SLC25A48: variants seen among roughly 807,000 people sequenced by gnomAD.
The protein encoded by SLC25A48 is solute carrier family 25 member 48.
Under a neutral mutation model 32.2 loss-of-function variants are expected in SLC25A48, and 29 were observed. That is an observed-to-expected ratio of 0.90 (90% CI 0.67 to 1.23). The LOEUF (loss-of-function observed/expected upper bound fraction) is 1.23, where lower values mean the gene tolerates loss of function less well. Among genes scored for constraint, SLC25A48 ranks in the 50% most tolerant of loss-of-function variants. The probability of loss-of-function intolerance (pLI) is 0.00; values close to 1 mark genes in which losing one functional copy is unlikely to be tolerated. For missense variants in SLC25A48, 399 were observed against 422.7 expected (o/e 0.94, Z 0.49); for synonymous variants, 164 against 172.3 (o/e 0.95, Z 0.38).
chr5:135,642,711 A>G (rs886769357), intron 3 of SLC25A48, among the ~76,000 whole-genome samples: 1 of 152,238 alleles, frequency 6.6e-6, no homozygotes, highest in Non-Finnish European at 1.5e-5. Flanking sequence ...CTTTCAAAAC[A>G]ACATGTGTGC....
intron 3 of SLC25A48, among the ~76,000 whole-genome samples, chr5:135,775,575 G>T (rs973672124): frequency 6.6e-6 from 1 of 151,426 alleles, no homozygotes; most frequent in African/African-American, 2.4e-5. Context: ...CTAATATCTG[G>T]TGGGGGGGAA....
At chr5:135,816,245 T>C (rs900005688) in intron 4 of SLC25A48, among the ~76,000 whole-genome samples, 1 of 152,188 alleles carries the variant, frequency 6.6e-6, no homozygotes, top group Non-Finnish European at 1.5e-5. Context: ...GAGATTAGAT[T>C]TGGGTGGGGA....
At chr5:135,596,097 C>T (rs1201746634) in intron 1 of SLC25A48, among the ~76,000 whole-genome samples, 1 of 152,112 alleles carries the variant, frequency 6.6e-6, no homozygotes, top group Admixed American at 6.5e-5. Context: ...CTGCACAATT[C>T]GTGAATTATT....
At chr5:135,707,067 C>T (rs761824567) in intron 3 of SLC25A48, among the ~76,000 whole-genome samples, 4 of 152,110 alleles carry the variant, frequency 2.6e-5, no homozygotes, top group African/African-American at 4.8e-5. Flanking sequence ...TGAGGCATGA[C>T]GAAGCCAGGG....
At chr5:135,650,502 G>A (rs1369418693) in intron 3 of SLC25A48, 1 of 452,732 alleles carries the variant, frequency 2.2e-6, no homozygotes, top group Non-Finnish European at 4.4e-6. Context: ...GGAGAAGGAT[G>A]ACTCCAGGAC....
rs1389332369 is a variant in SLC25A48 at position 135,850,409 on chromosome 5, T to C, written c.91-16T>C. Reference sequence around the variant, plus strand: ...ATAACCTCTGCGCTGACCCATGTCCTTGCCTCTCTCCATAGACTCGCCTGC... The same window carrying C: ...ATAACCTCTGCGCTGACCCATGTCCCTGCCTCTCTCCATAGACTCGCCTGC... On this transcript the variant is annotated splice_polypyrimidine_tract_variant and intron_variant, in intron 2 of 7. Transcript: ENST00000681962. The C allele has an allele frequency of 6.2e-6, 10 of 1,613,964 alleles. No individual in the cohort carries two copies. The highest frequency in any genetic ancestry group is 1.3e-5 in the African/African-American group (1 of 74,944).
At chr5:135,825,674 G>A (rs1758026364) in intron 4 of SLC25A48, 1 of 152,422 alleles carries the variant, frequency 6.6e-6, no homozygotes, top group Non-Finnish European at 1.5e-5. Flanking sequence ...GGCACACTAG[G>A]ACCTCATCTC....
chr5:135,711,878 A>G (rs1399054135), intron 3 of SLC25A48, among the ~76,000 whole-genome samples: 1 of 150,562 alleles, frequency 6.6e-6, no homozygotes, highest in Non-Finnish European at 1.5e-5. Flanking sequence ...AGACCTCAGA[A>G]CTTTTTCACC....
chr5:135,677,329 G>T (rs1310347566), intron 3 of SLC25A48, among the ~76,000 whole-genome samples: 1 of 151,896 alleles, frequency 6.6e-6, no homozygotes, highest in Admixed American at 6.6e-5. Flanking sequence ...TGACTGTTTA[G>T]GTAAAGTCTA....
intron 2 of SLC25A48, among the ~76,000 whole-genome samples, chr5:135,848,865 A>G (rs1759613610): frequency 6.6e-6 from 1 of 152,204 alleles, no homozygotes; most frequent in Non-Finnish European, 1.5e-5. Context: ...AACTATTCAA[A>G]TGGATGCTTC....
chr5:135,686,377 C>T (rs190928335), intron 3 of SLC25A48, among the ~76,000 whole-genome samples: 50 of 152,336 alleles, frequency 3.3e-4, no homozygotes, highest in African/African-American at 1.2e-3. Flanking sequence ...CTGACCCCTA[C>T]CTTGTTGTTT....
chr5:135,835,223 C>G (rs1226788788), intron 1 of SLC25A48: 1 of 562,572 alleles, frequency 1.8e-6, no homozygotes, highest in Non-Finnish European at 3.4e-6. Context: ...CTTCAGTGAC[C>G]TGGTGCACAC....
At chr5:135,870,138 A>G (rs1761520894) in intron 4 of SLC25A48, among the ~76,000 whole-genome samples, 2 of 152,224 alleles carry the variant, frequency 1.3e-5, no homozygotes, top group Admixed American at 1.3e-4. Flanking sequence ...ATATGATGAA[A>G]GCTGTCTGCC....
intron 3 of SLC25A48, among the ~76,000 whole-genome samples, chr5:135,756,880 AATG>A (rs1256873229): frequency 2.6e-5 from 4 of 151,508 alleles, no homozygotes; most frequent in Non-Finnish European, 4.4e-5. Flanking sequence ...AAAATATCTA[AATG>A]ATATTTATAA....
At chr5:135,750,295 AC>A (rs1385201393) in intron 3 of SLC25A48, among the ~76,000 whole-genome samples, 3 of 152,098 alleles carry the variant, frequency 2.0e-5, no homozygotes, top group Admixed American at 2.0e-4. Context: ...GTTTAAAACC[AC>A]CATGGTTTAT....
At chr5:135,771,824 A>T (rs943707939) in intron 3 of SLC25A48, among the ~76,000 whole-genome samples, 8 of 151,500 alleles carry the variant, frequency 5.3e-5, no homozygotes, top group African/African-American at 1.5e-4. Flanking sequence ...GGGGGAGAAC[A>T]TAATATTACT....
At chr5:135,608,631 T>G (rs1212536853) in intron 1 of SLC25A48, among the ~76,000 whole-genome samples, 1 of 152,162 alleles carries the variant, frequency 6.6e-6, no homozygotes, top group Non-Finnish European at 1.5e-5. Flanking sequence ...TGCAGGTCAG[T>G]CGTGCCTGGA....
chr5:135,878,432 A>G (rs1026915004), intron 6 of SLC25A48, among the ~76,000 whole-genome samples: 1 of 152,240 alleles, frequency 6.6e-6, no homozygotes, highest in African/African-American at 2.4e-5. Flanking sequence ...AAGGTTAGAC[A>G]TTAGAGAAGA....
At chr5:135,801,444 T>C (rs1757324528) in intron 3 of SLC25A48, among the ~76,000 whole-genome samples, 1 of 150,584 alleles carries the variant, frequency 6.6e-6, no homozygotes, top group Non-Finnish European at 1.5e-5. Flanking sequence ...TTGTTGGTAA[T>C]ATCTAGGGGG....
Sources: allele counts gnomAD v4.1 joint callset (sites outside exome capture counted in the v4.1 genomes callset), GRCh38; gene constraint gnomAD v4.1.1; transcripts MANE v1.5; gene names NCBI Gene and HGNC (gene_info 2026-07-23, HGNC 2026-07-21).